The following LRRK1 variants were observed in gnomAD, a reference collection of about 807,000 sequenced individuals.
LRRK1 encodes the protein leucine rich repeat kinase 1.
A neutral mutation model predicts 209.1 loss-of-function variants in LRRK1; 113 were observed. The ratio of observed to expected loss-of-function variants is 0.54; its 90% CI spans 0.46 to 0.63. The LOEUF is 0.63. LRRK1 is among the 30% of genes least tolerant of loss of function. The probability of loss-of-function intolerance (pLI) is 0.00; values close to 1 mark genes in which losing one functional copy is unlikely to be tolerated. For missense variants in LRRK1, 2,284 were observed against 2,632.2 expected (o/e 0.87, Z 2.89); for synonymous variants, 1,144 against 1,099.7 (o/e 1.04, Z -0.80).
chr15:101,022,328 A>C lies in LRRK1; in HGVS notation c.1853-55A>C. 6.6e-7 allele frequency: 1 copy of C among 1,520,942 alleles called. No individual in the cohort carries two copies. The highest frequency in any genetic ancestry group is 9.1e-7 in the Non-Finnish European group (1 of 1,097,430). 94.2% of individuals were successfully genotyped at this position (1,520,942 alleles called of 1,614,324 possible). ...CTTCACAACAGGATTTTGTGTCCTA[A>C]GAGATGTGAGCATGTGCCCACGCAG... On this transcript the variant is annotated intron_variant, in intron 14 of 33. Coordinates refer to ENST00000388948, the MANE Select transcript of LRRK1 (RefSeq NM_024652.6). This position sits in a 1 kb window ranked among gnomAD's most constrained non-coding sequence, Gnocchi z 4.0.
intron 2 of LRRK1, among the ~76,000 whole-genome samples, chr15:100,926,519 G>A (rs190589321): frequency 6.8e-4 from 86 of 127,374 alleles, no homozygotes; most frequent in African/African-American, 2.3e-3. Context: ...CTCAACCACG[G>A]CCCACACAGT....
At chr15:100,969,839 G>A (rs11852918) in intron 2 of LRRK1, among the ~76,000 whole-genome samples, 16,872 of 151,886 alleles carry the variant, frequency 0.11, 1,225 homozygotes, top group Non-Finnish European at 0.17. Context: ...TCCTTTTTAT[G>A]GCTGCATAGT....
chr15:101,051,975 C>T lies in LRRK1; in HGVS notation c.3689+15C>T. On this transcript the variant is annotated intron_variant, in intron 24 of 33. Coordinates refer to ENST00000388948, the MANE Select transcript of LRRK1 (RefSeq NM_024652.6). ...TTCCCGGCCAGGTATGCCCCGAAGG[C>T]CCCTCCCAGAACACAGTGCAGGTCA... The T allele has an allele frequency of 6.2e-7, 1 of 1,610,142 alleles. No homozygotes were observed.
intron 1 of LRRK1, among the ~76,000 whole-genome samples, chr15:100,923,280 C>T (rs1250111188): frequency 6.6e-6 from 1 of 152,216 alleles, no homozygotes; most frequent in Non-Finnish European, 1.5e-5. Flanking sequence ...ACATACCTTT[C>T]AGCTGGGAGT....
intron 32 of LRRK1, 141 bp downstream of exon 32, chr15:101,066,346 C>A: frequency 8.1e-7 from 1 of 1,229,008 alleles, no homozygotes; most frequent in Non-Finnish European, 1.1e-6. Context: ...TTGGTTTCCT[C>A]CATTGGGAAT....
At chr15:100,930,190 G>A (rs963510794) in intron 2 of LRRK1, among the ~76,000 whole-genome samples, 6 of 152,204 alleles carry the variant, frequency 3.9e-5, no homozygotes, top group Admixed American at 1.3e-4. Flanking sequence ...AGACAGATCG[G>A]AATCCCTTAA....
chr15:100,941,434 G>GTGTC (rs1287118340), intron 2 of LRRK1, among the ~76,000 whole-genome samples: 252 of 7,752 alleles, frequency 0.033, 29 homozygotes, highest in Middle Eastern at 0.17. Context: ...GTGTCTGTGT[G>GTGTC]TGTGTGTGTG....
At chr15:100,972,361 A>AGTGTGTGTGTGT (rs1282794235) in intron 2 of LRRK1, among the ~76,000 whole-genome samples, 1 of 84,018 alleles carries the variant, frequency 1.2e-5, no homozygotes, top group African/African-American at 5.6e-5. Flanking sequence ...AGAGAGAGAG[A>AGTGTGTGTGTGT]GAGTGTGTGT....
intron 2 of LRRK1, among the ~76,000 whole-genome samples, chr15:100,932,932 C>T (rs537741082): frequency 3.9e-5 from 6 of 152,188 alleles, no homozygotes; most frequent in South Asian, 2.1e-4. Flanking sequence ...TTCGTGATGA[C>T]GAGTGCCTGG....
chr15:100,998,990 A>G (rs1426274784), intron 6 of LRRK1, among the ~76,000 whole-genome samples: 1 of 152,228 alleles, frequency 6.6e-6, no homozygotes, highest in African/African-American at 2.4e-5. Context: ...ATAGCTTTAA[A>G]AAAGTACTTT....
At chr15:101,007,097 A>C (rs1405974461) in intron 6 of LRRK1, among the ~76,000 whole-genome samples, 1 of 152,218 alleles carries the variant, frequency 6.6e-6, no homozygotes, top group Non-Finnish European at 1.5e-5. Context: ...AGTCTTTCCA[A>C]ACTCCTGGAG....
intron 3 of LRRK1, among the ~76,000 whole-genome samples, chr15:100,977,121 G>A (rs1050162872): frequency 6.7e-5 from 10 of 150,106 alleles, no homozygotes; most frequent in African/African-American, 2.5e-4. Context: ...GGTTTTATTT[G>A]TATCTCATAC....
At chr15:100,955,853 G>A (rs1596194740) in intron 2 of LRRK1, among the ~76,000 whole-genome samples, 1 of 152,092 alleles carries the variant, frequency 6.6e-6, no homozygotes, top group East Asian at 1.9e-4. Flanking sequence ...TCATAATGGT[G>A]TATGATTTTT....
At position 100,928,510 on chromosome 15, in the gene LRRK1, AGAAGGAAAACTAAC is replaced by A. The variant is rs1383711120; in HGVS notation, c.97+3784_97+3797del. Among the ~76,000 whole-genome samples, 4 of 152,364 alleles carry A rather than the reference AGAAGGAAAACTAAC, an allele frequency of 2.6e-5. No individual in the cohort carries two copies. The East Asian group carries it at 7.7e-4, about 29-fold the overall frequency. On this transcript the variant is annotated intron_variant, in intron 2 of 33. Coordinates refer to ENST00000388948, the MANE Select transcript of LRRK1 (RefSeq NM_024652.6). ...CTCCGGCTGAGAAAAGTTGGCCGCC[AGAAGGAAAACTAAC>A]GACACTCAAAATTATGTAGGGACAG...
intron 29 of LRRK1, among the ~76,000 whole-genome samples, chr15:101,058,826 A>G (rs2035980883): frequency 6.6e-6 from 1 of 151,474 alleles, no homozygotes; most frequent in Admixed American, 6.6e-5. Flanking sequence ...AGGTGGGATG[A>G]GCCGAAAAAC....
At chr15:100,988,369 G>T (rs2031982618) in intron 4 of LRRK1, among the ~76,000 whole-genome samples, 1 of 152,016 alleles carries the variant, frequency 6.6e-6, no homozygotes, top group Non-Finnish European at 1.5e-5. Flanking sequence ...TCAATGTTTA[G>T]CTCCCCCTTA....
At chr15:101,015,763 G>A (rs1182584747) in intron 12 of LRRK1, among the ~76,000 whole-genome samples, 1 of 152,124 alleles carries the variant, frequency 6.6e-6, no homozygotes, top group Non-Finnish European at 1.5e-5. Flanking sequence ...TTTGCACGTG[G>A]GGAGACTGAG....
chr15:100,998,911 G>A (rs1481013337), intron 6 of LRRK1, among the ~76,000 whole-genome samples: 1 of 152,194 alleles, frequency 6.6e-6, no homozygotes, highest in African/African-American at 2.4e-5. Context: ...TAGATGGATG[G>A]ATGAATGAAT....
intron 2 of LRRK1, among the ~76,000 whole-genome samples, chr15:100,951,059 C>T (rs1477907748): frequency 2.0e-5 from 3 of 152,138 alleles, no homozygotes; most frequent in African/African-American, 7.2e-5. Context: ...GCAGAGGTTG[C>T]GCCACCGCAC....
Sources: gnomAD v4.1 joint callset for allele counts (sites outside exome capture counted in the v4.1 genomes callset) on GRCh38, gnomAD v4.1.1 for gene constraint, Gnocchi (gnomAD v3.1) non-coding constraint, MANE v1.5 for transcripts, NCBI Gene and HGNC (gene_info 2026-07-23, HGNC 2026-07-21) for gene names.